Variants in SH3GL3 observed in about 807,000 individuals in gnomAD.
The protein encoded by SH3GL3 is SH3 domain containing GRB2 like 3, endophilin A3.
Under a neutral mutation model 47.7 loss-of-function variants are expected in SH3GL3, and 33 were observed. That is an observed-to-expected ratio of 0.69 (90% CI 0.52 to 0.92). SH3GL3 has a LOEUF of 0.92. Among genes scored for constraint, SH3GL3 ranks in the 40% least tolerant of loss-of-function variants. SH3GL3 has a pLI of 0.00. For missense variants in SH3GL3, 363 were observed against 417.8 expected, an observed-to-expected ratio of 0.87 and a Z score of 1.14; for synonymous variants, 155 against 148.8, an observed-to-expected ratio of 1.04 and a Z score of -0.30.
At chr15:83,616,102 A>C (rs1207418353) in intron 8 of SH3GL3, among the ~76,000 whole-genome samples, 1 of 152,174 alleles carries the variant, frequency 6.6e-6, no homozygotes, top group Non-Finnish European at 1.5e-5. Flanking sequence ...TAAGTTGGGA[A>C]TAATGTTTGT....
chr15:83,475,722 TG>T (rs1467918370), intron 1 of SH3GL3, among the ~76,000 whole-genome samples: 4 of 152,216 alleles, frequency 2.6e-5, no homozygotes, highest in Non-Finnish European at 5.9e-5. Context: ...AGTGAATGAA[TG>T]CTTGCATTCT....
intron 8 of SH3GL3, among the ~76,000 whole-genome samples, chr15:83,591,870 A>G (rs2060112732): frequency 6.6e-6 from 1 of 152,098 alleles, no homozygotes; most frequent in Non-Finnish European, 1.5e-5. Context: ...TATTTTTAAT[A>G]GGGACGGGGT....
intron 1 of SH3GL3, among the ~76,000 whole-genome samples, chr15:83,537,299 G>A (rs1323763080): frequency 1.3e-5 from 2 of 152,214 alleles, no homozygotes; most frequent in African/African-American, 2.4e-5. Context: ...TCTTTAGAGT[G>A]TGGGTACAGT....
intron 8 of SH3GL3, among the ~76,000 whole-genome samples, chr15:83,596,203 A>G (rs981725372): frequency 6.6e-6 from 1 of 152,168 alleles, no homozygotes; most frequent in Non-Finnish European, 1.5e-5. Flanking sequence ...TGTTTTAGAT[A>G]CCTATTTAAT....
intron 1 of SH3GL3, among the ~76,000 whole-genome samples, chr15:83,544,692 C>T (rs1044827635): frequency 1.3e-5 from 2 of 152,056 alleles, no homozygotes; most frequent in African/African-American, 4.8e-5. Flanking sequence ...TGAAAAGCTC[C>T]CATTAGCATA....
At position 83,497,512 on chromosome 15, in the gene SH3GL3, T is replaced by C. The variant is rs144085028; in HGVS notation, c.45+49934T>C. On this transcript the variant is annotated intron_variant, in intron 1 of 8. Coordinates refer to ENST00000427482, the MANE Select transcript of SH3GL3 (RefSeq NM_003027.5). The stretch of plus-strand genomic sequence containing the variant: ...CTTCTTCCAAACATATTTTTTTGTC[T>C]CTTATCTTTATTCCCACATTCATCC... Among the ~76,000 whole-genome samples the C allele has an allele frequency of 1.1e-3, 173 of 152,280 alleles. 2 individuals are homozygous for C. Among genetic ancestry groups the C allele is most frequent in the African/African-American group, 3.9e-3 (162 of 41,570 alleles).
At chr15:83,584,747 A>C (rs1240531956) in intron 6 of SH3GL3, among the ~76,000 whole-genome samples, 1 of 152,218 alleles carries the variant, frequency 6.6e-6, no homozygotes, top group Non-Finnish European at 1.5e-5. Flanking sequence ...GTGAGGTCAC[A>C]CTTTGCTCTC....
chr15:83,561,384 G>GAC (rs1320531874), intron 2 of SH3GL3, among the ~76,000 whole-genome samples: 1 of 152,112 alleles, frequency 6.6e-6, no homozygotes. Flanking sequence ...AAAGTAAAAT[G>GAC]ACATTATTTA....
At chr15:83,470,802 C>T (rs1239849879) in intron 1 of SH3GL3, among the ~76,000 whole-genome samples, 4 of 151,926 alleles carry the variant, frequency 2.6e-5, no homozygotes, top group African/African-American at 7.3e-5. Context: ...CTTTGTACTG[C>T]AGTTGTCGTG....
chr15:83,474,631 G>A (rs887792870), intron 1 of SH3GL3, among the ~76,000 whole-genome samples: 1 of 152,044 alleles, frequency 6.6e-6, no homozygotes, highest in Non-Finnish European at 1.5e-5. Context: ...CCATAGCTTG[G>A]CCAGTATTTG....
intron 1 of SH3GL3, among the ~76,000 whole-genome samples, chr15:83,473,161 C>T (rs962665065): frequency 2.0e-5 from 3 of 146,556 alleles, no homozygotes; most frequent in African/African-American, 5.0e-5. Flanking sequence ...GCAAGGGCAC[C>T]TCATTTCTGC....
chr15:83,484,021 T>C (rs1350394673), intron 1 of SH3GL3, among the ~76,000 whole-genome samples: 1 of 152,220 alleles, frequency 6.6e-6, no homozygotes, highest in South Asian at 2.1e-4. Flanking sequence ...ATTGTCATCT[T>C]TCTGTGTTTT....
chr15:83,585,826 A>G (rs1035289288), intron 6 of SH3GL3, among the ~76,000 whole-genome samples: 2 of 152,200 alleles, frequency 1.3e-5, no homozygotes, highest in African/African-American at 4.8e-5. Context: ...TGTCTCTTAC[A>G]TGCATATTGA....
intron 6 of SH3GL3, among the ~76,000 whole-genome samples, chr15:83,578,384 C>T (rs1011322754): frequency 1.3e-5 from 2 of 152,154 alleles, no homozygotes; most frequent in African/African-American, 4.8e-5. Flanking sequence ...CCTGTGGGAA[C>T]AAGTCAGGAG....
chr15:83,619,011 C>T (rs1005037338), downstream of SH3GL3, among the ~76,000 whole-genome samples: 12 of 152,268 alleles, frequency 7.9e-5, no homozygotes, highest in African/African-American at 2.2e-4. Flanking sequence ...ATAGGTTTTT[C>T]AGAAAGTTGT....
At chr15:83,486,637 T>C (rs1315121586) in intron 1 of SH3GL3, among the ~76,000 whole-genome samples, 1 of 152,264 alleles carries the variant, frequency 6.6e-6, no homozygotes, top group African/African-American at 2.4e-5. Flanking sequence ...TGTCTATTCA[T>C]TTATCCTTTG....
At chr15:83,475,281 C>T (rs553922515) in intron 1 of SH3GL3, among the ~76,000 whole-genome samples, 1 of 152,012 alleles carries the variant, frequency 6.6e-6, no homozygotes, top group East Asian at 1.9e-4. Flanking sequence ...AGTTCGAGAC[C>T]AGCTTCGCCA....
chr15:83,628,468 C>T, the SH3GL3 span, among the ~76,000 whole-genome samples: 7 of 152,238 alleles, frequency 4.6e-5, no homozygotes, highest in African/African-American at 1.7e-4. Context: ...ATGGGCTGAG[C>T]GTGGTGGCTC....
rs1286884112 is a variant in SH3GL3, at chr15:83,448,471, TG to T, written c.45+894del. Among the ~76,000 whole-genome samples the T allele has an allele frequency of 1.1e-3, 164 of 151,780 alleles. No homozygotes were observed. Among genetic ancestry groups the T allele is most frequent in the African/African-American group, 3.7e-3 (155 of 41,334 alleles). ...GTGTGTGTGTGTGTGTGTGTGTGTG[TG>T]TGTGTGTGTTGATGACAAGCAAATT... On this transcript the variant is annotated intron_variant, in intron 1 of 8. Transcript: ENST00000427482. This position sits in a 1 kb window ranked among gnomAD's most constrained non-coding sequence, Gnocchi z 4.2.
Sources: gnomAD v4.1 joint callset for allele counts (sites outside exome capture counted in the v4.1 genomes callset) on GRCh38, gnomAD v4.1.1 for gene constraint, Gnocchi (gnomAD v3.1) non-coding constraint, MANE v1.5 for transcripts, NCBI Gene and HGNC (gene_info 2026-07-23, HGNC 2026-07-21) for gene names.